Variants in ATG4C observed in about 807,000 individuals in gnomAD.
ATG4C encodes the protein autophagy related 4C cysteine peptidase.
In ATG4C, 56 loss-of-function variants were observed where a neutral mutation model predicts 57.6. The observed-to-expected ratio is 0.97, with a 90% CI of 0.78 to 1.21. ATG4C has a LOEUF of 1.21. Among genes scored for constraint, ATG4C ranks in the 50% most tolerant of loss-of-function variants. The probability of loss-of-function intolerance (pLI) is 0.00; values close to 1 mark genes in which losing one functional copy is unlikely to be tolerated. For missense variants in ATG4C, 595 were observed against 529.8 expected (o/e 1.12, Z -1.21); for synonymous variants, 157 against 174.1 (o/e 0.90, Z 0.78).
intron 10 of ATG4C, among the ~76,000 whole-genome samples, chr1:62,846,964 G>A (rs1666342931): frequency 6.6e-6 from 1 of 152,140 alleles, no homozygotes; most frequent in Non-Finnish European, 1.5e-5. Context: ...ATCACCTGAG[G>A]TCAGGAGTTC....
intron 9 of ATG4C, among the ~76,000 whole-genome samples, chr1:62,837,122 G>GTGTTT (rs1428934437): frequency 1.3e-5 from 2 of 151,924 alleles, no homozygotes; most frequent in African/African-American, 4.8e-5. Context: ...GTGATTCCAA[G>GTGTTT]TGTTTTGATT....
At chr1:62,810,974 T>C (rs551534171) in intron 3 of ATG4C, among the ~76,000 whole-genome samples, 4 of 152,196 alleles carry the variant, frequency 2.6e-5, no homozygotes, top group Non-Finnish European at 4.4e-5. Context: ...GTTACTTTTG[T>C]TTTGCTAAGG....
intron 4 of ATG4C, 100 bp downstream of exon 4, chr1:62,816,908 AGGTT>A: frequency 1.0e-6 from 1 of 956,150 alleles, no homozygotes; most frequent in Non-Finnish European, 1.5e-6. Flanking sequence ...AAATTCCCTG[AGGTT>A]AATTTCTTGA....
intron 3 of ATG4C, among the ~76,000 whole-genome samples, chr1:62,812,007 G>A (rs1289162552): frequency 6.6e-6 from 1 of 152,134 alleles, no homozygotes; most frequent in Non-Finnish European, 1.5e-5. Context: ...TTGAAGCTCT[G>A]TTGTTAGGTA....
intron 3 of ATG4C, among the ~76,000 whole-genome samples, chr1:62,807,737 A>G (rs145906352): frequency 6.6e-6 from 1 of 152,200 alleles, no homozygotes; most frequent in Non-Finnish European, 1.5e-5. Context: ...TCTTTATGAT[A>G]TCCTTTATAA....
At chr1:62,785,867 A>C (rs1207643519) in intron 1 of ATG4C, among the ~76,000 whole-genome samples, 1 of 152,162 alleles carries the variant, frequency 6.6e-6, no homozygotes, top group Non-Finnish European at 1.5e-5. Flanking sequence ...GAATAAATTT[A>C]CTCATATAAT....
intron 6 of ATG4C, among the ~76,000 whole-genome samples, chr1:62,822,428 C>G (rs890851844): frequency 6.6e-5 from 10 of 152,060 alleles, no homozygotes; most frequent in Non-Finnish European, 1.3e-4. Flanking sequence ...TTAAATAGTT[C>G]TAATTAAGCC....
At chr1:62,862,976 T>C (rs1666899821) in intron 10 of ATG4C, among the ~76,000 whole-genome samples, 2 of 152,090 alleles carry the variant, frequency 1.3e-5, no homozygotes, top group Admixed American at 1.3e-4. Context: ...GTAAATTGCA[T>C]AGTAACTTTT....
At chr1:62,793,265 T>C (rs1664345380) in intron 1 of ATG4C, among the ~76,000 whole-genome samples, 1 of 151,912 alleles carries the variant, frequency 6.6e-6, no homozygotes, top group African/African-American at 2.4e-5. Flanking sequence ...TTAGGAAGGA[T>C]TAATGATAGC....
At chr1:62,854,049 A>C (rs574104460) in intron 10 of ATG4C, among the ~76,000 whole-genome samples, 2 of 151,832 alleles carry the variant, frequency 1.3e-5, no homozygotes, top group Admixed American at 6.5e-5. Flanking sequence ...TTCAATTAGG[A>C]TGCTTACATT....
intron 7 of ATG4C, among the ~76,000 whole-genome samples, chr1:62,832,927 G>A (rs1032036052): frequency 6.6e-6 from 1 of 152,152 alleles, no homozygotes; most frequent in African/African-American, 2.4e-5. Flanking sequence ...TGTGTTGTGA[G>A]ATTTCACATA....
intron 10 of ATG4C, among the ~76,000 whole-genome samples, chr1:62,857,452 T>A (rs762499751): frequency 6.6e-6 from 1 of 152,198 alleles, no homozygotes; most frequent in Non-Finnish European, 1.5e-5. Flanking sequence ...AGGGCTCCCA[T>A]TGATTCTACA....
At chr1:62,794,841 G>A (rs1042134004) in intron 1 of ATG4C, among the ~76,000 whole-genome samples, 3 of 142,888 alleles carry the variant, frequency 2.1e-5, no homozygotes, top group Non-Finnish European at 4.5e-5. Flanking sequence ...TAAACAAAGA[G>A]GAGGGAGAGA....
intron 7 of ATG4C, among the ~76,000 whole-genome samples, chr1:62,833,276 A>T (rs952877963): frequency 2.0e-5 from 3 of 152,172 alleles, no homozygotes; most frequent in African/African-American, 7.2e-5. Context: ...TATCAAAATT[A>T]TTGCAGGAAC....
intron 3 of ATG4C, among the ~76,000 whole-genome samples, chr1:62,807,137 G>A (rs1265265573): frequency 6.6e-6 from 1 of 152,124 alleles, no homozygotes; most frequent in African/African-American, 2.4e-5. Context: ...AATAATAACT[G>A]AATATATGCT....
intron 3 of ATG4C, among the ~76,000 whole-genome samples, chr1:62,813,097 T>G (rs1386538093): frequency 6.6e-6 from 1 of 152,218 alleles, no homozygotes; most frequent in African/African-American, 2.4e-5. Context: ...CCATTCACTT[T>G]CTTCACAGAA....
intron 9 of ATG4C, among the ~76,000 whole-genome samples, chr1:62,837,513 A>C (rs1666033976): frequency 6.6e-6 from 1 of 152,176 alleles, no homozygotes; most frequent in Non-Finnish European, 1.5e-5. Flanking sequence ...GAGACCTCAA[A>C]TGGGCTTTGG....
At chr1:62,824,136 A>G (rs1311415063) in intron 6 of ATG4C, among the ~76,000 whole-genome samples, 1 of 152,170 alleles carries the variant, frequency 6.6e-6, no homozygotes, top group African/African-American at 2.4e-5. Context: ...TACCTTACAT[A>G]TATATTGGAA....
intron 1 of ATG4C, among the ~76,000 whole-genome samples, chr1:62,787,934 A>C (rs1277690943): frequency 2.0e-5 from 3 of 152,124 alleles, no homozygotes; most frequent in Non-Finnish European, 4.4e-5. Context: ...CCTTGTAACT[A>C]ATAAAACTCA....
Sources: gnomAD v4.1 joint callset for allele counts (sites outside exome capture counted in the v4.1 genomes callset) on GRCh38, gnomAD v4.1.1 for gene constraint, MANE v1.5 for transcripts, NCBI Gene and HGNC (gene_info 2026-07-23, HGNC 2026-07-21) for gene names.